AHNAK: variants seen among roughly 807,000 people sequenced by gnomAD.
AHNAK encodes AHNAK nucleoprotein.
A neutral mutation model predicts 37.8 loss-of-function variants in AHNAK; 23 were observed. The ratio of observed to expected loss-of-function variants is 0.61; its 90% CI spans 0.44 to 0.86. The LOEUF is 0.86. Ranked by LOEUF, AHNAK falls within the 40% of genes least tolerant of loss-of-function variation. The probability of loss-of-function intolerance (pLI) is 0.00; values close to 1 mark genes in which losing one functional copy is unlikely to be tolerated. For missense variants in AHNAK, 7,411 were observed against 7,319.4 expected (o/e 1.01, Z -0.46); for synonymous variants, 2,481 against 2,636.3 (o/e 0.94, Z 1.80).
At position 62,532,542 on chromosome 11, in the gene AHNAK, G is replaced by T; in HGVS notation, c.1875C>A (p.Asn625Lys). The T allele has an allele frequency of 6.2e-7, 1 of 1,614,020 alleles. No individual in the cohort carries two copies. Among genetic ancestry groups the T allele is most frequent in the South Asian group, 1.1e-5 (1 of 91,062 alleles). Residue 625 changes from asparagine to lysine, a missense_variant, in exon 5 of 5, where the codon AAC becomes AAA. Transcript: ENST00000378024. ...GCATTTTCATCTTGGGCATTTTCAG[G>T]TTCCATTCTGGGCCATGCGCTTCGA... ...PDVEAHGPEW[N>K]LKMPKMKMPT...
chr11:62,515,421 G>C (rs1205105215), downstream of AHNAK, among the ~76,000 whole-genome samples: 1 of 152,246 alleles, frequency 6.6e-6, no homozygotes, highest in East Asian at 1.9e-4. Context: ...GGAGGCTGAG[G>C]CAGGAAAATC....
Position 62,528,853 on chromosome 11 carries a change from A to T in AHNAK, c.5564T>A (p.Ile1855Asn), listed in dbSNP as rs1323176086. The change falls in exon 5 of 5, where the codon ATC (isoleucine) becomes AAC (asparagine). Residue 1855 changes from isoleucine (I) to asparagine (N), a missense_variant. Physicochemically the swap from Ile to Asn is moderately radical, Grantham distance 149 (BLOSUM62 -3). Transcript: ENST00000378024. ...MPEMHFKAPK[I>N]SMPDVDLHLK... is the part of the protein sequence containing the mutation. Reference sequence around the variant, plus strand: ...GTGTAAGTCCACATCAGGCATGGAGATCTTGGGGGCCTTGAAGTGCATCTC... The same window carrying T: ...GTGTAAGTCCACATCAGGCATGGAGTTCTTGGGGGCCTTGAAGTGCATCTC... 1.2e-6 allele frequency: 2 copies of T among 1,612,904 alleles called. No individual in the cohort carries two copies. The highest frequency in any genetic ancestry group is 2.2e-5 in the South Asian group (2 of 90,978).
chr11:62,490,681 A>C (rs1350478510), intron 5 of AHNAK, among the ~76,000 whole-genome samples: 2 of 152,196 alleles, frequency 1.3e-5, no homozygotes, highest in Non-Finnish European at 2.9e-5. Context: ...TTGCCCAGTG[A>C]CACGGCAGTC....
rs753399826 is a variant in AHNAK at position 62,517,196 on chromosome 11, C to T, written c.17221G>A (p.Gly5741Ser). The change falls in exon 5 of 5, where the codon GGT (glycine) becomes AGT (serine). Residue 5741 changes from glycine to serine, a missense_variant. By Grantham distance (56) the Gly-to-Ser change is moderately conservative. Transcript: ENST00000378024. ...CTGGCCTTTGAACTTTTCAGGTCAC[C>T]TTTGGACCCAGAAATTGATGCTTCT... ...SPEASISGSKGDLKSSKASLG... is the reference protein window; with the variant it reads ...SPEASISGSKSDLKSSKASLG... 4 of 1,614,096 alleles carry T rather than the reference C, an allele frequency of 2.5e-6. No individual in the cohort carries two copies. The highest frequency in any genetic ancestry group is 3.4e-6 in the Non-Finnish European group (4 of 1,180,042).
intron 5 of AHNAK, among the ~76,000 whole-genome samples, chr11:62,465,634 A>T (rs370842208): frequency 3.4e-4 from 52 of 152,098 alleles, no homozygotes; most frequent in East Asian, 2.9e-3. Context: ...ATAAATAAAT[A>T]AAAATTAAAA....
rs1265525069 is a variant in AHNAK at position 62,521,639 on chromosome 11, G to A, written c.12778C>T (p.Pro4260Ser). Residue 4260 changes from proline (P) to serine (S), a missense_variant, in exon 5 of 5, where the codon CCT (proline) becomes TCT (serine). Coordinates refer to ENST00000378024, the MANE Select transcript of AHNAK (RefSeq NM_001620.3). Reference protein sequence around the residue: ...MNIKAPKISMPDFDLHLKGPK... With the variant: ...MNIKAPKISMSDFDLHLKGPK... The stretch of plus-strand genomic sequence containing the variant: ...CCTTTCAGATGCAAATCAAAGTCAG[G>A]CATGGAGATCTTGGGGGCTTTGATG... 2 of 1,613,466 alleles carry A rather than the reference G, an allele frequency of 1.2e-6. No individual in the cohort carries two copies. The highest frequency in any genetic ancestry group is 1.7e-6 in the Non-Finnish European group (2 of 1,179,930).
At chr11:62,501,748 G>A (rs1939716343) in intron 4 of AHNAK, among the ~76,000 whole-genome samples, 1 of 152,190 alleles carries the variant, frequency 6.6e-6, no homozygotes, top group South Asian at 2.1e-4. Flanking sequence ...ATTCTGCAGC[G>A]CTGGACGCTG....
In AHNAK at chr11:62,460,914, G is replaced by A. The variant is rs185148466; in HGVS notation, c.443-27023C>T. ...CGGCTCACTGCAAGCTCCGCCTCCCGGGTTCACGCCATTCTCCTGCCTCAG... is the reference window on the plus strand; with the variant it reads ...CGGCTCACTGCAAGCTCCGCCTCCCAGGTTCACGCCATTCTCCTGCCTCAG... On this transcript the variant is annotated intron_variant, in intron 5 of 5. Coordinates refer to the AHNAK transcript ENST00000257247. Among the ~76,000 whole-genome samples the A allele has an allele frequency of 2.9e-3, 438 of 151,926 alleles. 10 individuals carry two copies. In the East Asian group the frequency reaches 0.043, roughly 15 times the overall value.
intron 5 of AHNAK, among the ~76,000 whole-genome samples, chr11:62,461,270 C>G (rs1938781050): frequency 6.6e-6 from 1 of 151,302 alleles, no homozygotes; most frequent in Admixed American, 6.6e-5. Context: ...CCCAGCCTCC[C>G]AAGTAGCTGG....
Position 62,521,288 on chromosome 11 carries a change from C to G in AHNAK, c.13129G>C (p.Glu4377Gln). 1 of 1,613,886 alleles carries G rather than the reference C, an allele frequency of 6.2e-7. No homozygotes were observed. The highest frequency in any genetic ancestry group is 8.5e-7 in the Non-Finnish European group (1 of 1,179,972). The change falls in exon 5 of 5, where the codon GAG becomes CAG. Residue 4377 changes from glutamate to glutamine, a missense_variant. Coordinates refer to ENST00000378024, the MANE Select transcript of AHNAK (RefSeq NM_001620.3). ...KLKGPKFKMP[E>Q]MNIKAPKISM... The stretch of plus-strand genomic sequence containing the variant: ...ATTTTGGGGGCCTTGATGTTCATCT[C>G]TGGCATCTTGAACTTTGGACCCTTG...
rs1940221130 is a variant in AHNAK at position 62,521,086 on chromosome 11, C to T, written c.13331G>A (p.Gly4444Glu). ...NIEGPEGKLK[G>E]PKFKMPEMNI... ...CATCTCAGGCATCTTAAATTTGGGC[C>T]CCTTCAATTTTCCTTCCGGACCTTC... Residue 4444 changes from glycine to glutamate, a missense_variant, in exon 5 of 5, where the codon GGG becomes GAG. By Grantham distance (98) the Gly-to-Glu change is moderately conservative. Transcript: ENST00000378024. The T allele has an allele frequency of 1.2e-6, 2 of 1,613,958 alleles. No individual in the cohort carries two copies. The highest frequency in any genetic ancestry group is 8.5e-7 in the Non-Finnish European group (1 of 1,179,978).
At chr11:62,513,684 G>A (rs142486301), downstream of AHNAK, among the ~76,000 whole-genome samples, 275 of 152,300 alleles carry the variant, frequency 1.8e-3, 1 homozygote, top group Non-Finnish European at 2.6e-3. Context: ...CTCCCATGCC[G>A]TCGCTGCTGT....
Position 62,516,559 on chromosome 11 carries a change from T to C in AHNAK, c.*185A>G. The C allele has an allele frequency of 6.9e-7, 1 of 1,447,132 alleles. No homozygotes were observed. Among genetic ancestry groups the C allele is most frequent in the Non-Finnish European group, 9.0e-7 (1 of 1,109,154 alleles). 89.6% of individuals were successfully genotyped at this position (1,447,132 alleles called of 1,614,324 possible). A position where few individuals can be genotyped will look rare whatever the true frequency, so the allele number is the denominator to read the frequency against. On this transcript the variant is annotated 3_prime_UTR_variant, in exon 5 of 5. Transcript: ENST00000378024. ...CTGGACGAACTTGGAACTCTTTACC[T>C]ATCTGTATAGTTCCAGGAGCCTACA...
At position 62,524,351 on chromosome 11, in the gene AHNAK, T is replaced by C; in HGVS notation, c.10066A>G (p.Lys3356Glu). ...KSKKSRFKLP[K>E]FNFSGSKVQT... is the part of the protein sequence containing the mutation. ...ACTTTAGAGCCCGAAAAATTAAATT[T>C]GGGAAGCTTAAAACGAGATTTCTTT... Residue 3356 changes from lysine (K) to glutamate (E), a missense_variant, in exon 5 of 5, where the codon AAA (lysine) becomes GAA (glutamate). Transcript: ENST00000378024. 6.2e-7 allele frequency: 1 copy of C among 1,613,454 alleles called. No homozygotes were observed. The highest frequency in any genetic ancestry group is 1.7e-5 in the Admixed American group (1 of 59,866).
In AHNAK at chr11:62,525,796, G is replaced by A; in HGVS notation, c.8621C>T (p.Pro2874Leu). 1 of 1,613,812 alleles carries A rather than the reference G, an allele frequency of 6.2e-7. No homozygotes were observed. The highest frequency in any genetic ancestry group is 8.5e-7 in the Non-Finnish European group (1 of 1,179,980). ...LKGPEVDLKG[P>L]KVDIDVPDVN... Reference sequence around the variant, plus strand: ...ATCTGGGACATCAATGTCCACTTTGGGGCCTTTGAGGTCAACTTCAGGACC... The same window carrying A: ...ATCTGGGACATCAATGTCCACTTTGAGGCCTTTGAGGTCAACTTCAGGACC... Residue 2874 changes from proline (P) to leucine (L), a missense_variant, in exon 5 of 5, where the codon CCC (proline) becomes CTC (leucine). Pro to Leu is a moderately conservative substitution (Grantham distance 98, BLOSUM62 -3). Coordinates refer to ENST00000378024, the MANE Select transcript of AHNAK (RefSeq NM_001620.3).
intron 5 of AHNAK, among the ~76,000 whole-genome samples, chr11:62,488,213 G>A (rs1288683480): frequency 2.6e-5 from 4 of 152,112 alleles, no homozygotes; most frequent in Non-Finnish European, 5.9e-5. Context: ...TTGAGAAAAG[G>A]GGTCAAATCC....
intron 5 of AHNAK, among the ~76,000 whole-genome samples, chr11:62,437,080 C>T (rs80278931): frequency 0.021 from 3,182 of 152,208 alleles, 104 homozygotes; most frequent in African/African-American, 0.072. Flanking sequence ...CACCCCAAAA[C>T]GTTCCCTCAT....
chr11:62,520,906 C>G lies in AHNAK; in HGVS notation c.13511G>C (p.Gly4504Ala). 2 of 1,614,154 alleles carry G rather than the reference C, an allele frequency of 1.2e-6. No homozygotes were observed. Among genetic ancestry groups the G allele is most frequent in the Non-Finnish European group, 1.7e-6 (2 of 1,180,030 alleles). Residue 4504 changes from glycine (G) to alanine (A), a missense_variant, in exon 5 of 5, where the codon GGT becomes GCT. Gly to Ala is a moderately conservative substitution (Grantham distance 60). Coordinates refer to ENST00000378024, the MANE Select transcript of AHNAK (RefSeq NM_001620.3). The part of the protein sequence containing the change: ...DIEGPEGKLK[G>A]PKFKMPDVHF... ...TACATCAGGCATCTTAAACTTGGGA[C>G]CTTTGAGCTTCCCTTCAGGACCTTC...
chr11:62,468,807 T>G (rs1335733487), intron 5 of AHNAK, among the ~76,000 whole-genome samples: 1 of 152,084 alleles, frequency 6.6e-6, no homozygotes, highest in Non-Finnish European at 1.5e-5. Flanking sequence ...AACAAAAAAA[T>G]TAAACCCTTT....
Sources: allele counts gnomAD v4.1 joint callset (sites outside exome capture counted in the v4.1 genomes callset), GRCh38; gene constraint gnomAD v4.1.1; transcripts MANE v1.5; gene names NCBI Gene and HGNC (gene_info 2026-07-23, HGNC 2026-07-21).